SCARF1: variants seen among roughly 807,000 people sequenced by gnomAD.
The protein encoded by SCARF1 is acetyl LDL receptor.
SCARF1 carries 49 observed loss-of-function variants against 76.3 expected under a neutral mutation model. The ratio of observed to expected loss-of-function variants is 0.64; its 90% confidence interval spans 0.51 to 0.81. SCARF1 has a LOEUF of 0.81. Ranked by LOEUF, SCARF1 falls within the 40% of genes least tolerant of loss-of-function variation. The probability of loss-of-function intolerance (pLI) is 0.00; values close to 1 mark genes in which losing one functional copy is unlikely to be tolerated. For missense variants in SCARF1, 1,098 were observed against 1,143.9 expected, an observed-to-expected ratio of 0.96 and a Z score of 0.58; for synonymous variants, 495 against 474.6, an observed-to-expected ratio of 1.04 and a Z score of -0.56.
At position 1,635,214 on chromosome 17, in the gene SCARF1, G is replaced by A. The variant is rs1909435603; in HGVS notation, c.2037C>T (p.Gly679=). ...CAGGGCCCGAGCTCTCCTGGACGCT[G>A]CCCTCAATGGCTTCCACGTGCTCAG... is the stretch of plus-strand genomic sequence containing the variant. ...TVAEHVEAIE[G]SVQESSGPVT... is the part of the protein sequence containing the mutation. Residue 679 remains glycine, a synonymous_variant, in exon 11 of 11, where the codon GGC becomes GGT. Transcript: ENST00000263071. 3.7e-6 allele frequency: 6 copies of A among 1,613,014 alleles called. No individual in the cohort carries two copies. The Admixed American group carries it at 8.3e-5, about 22-fold the overall frequency.
In SCARF1 at chr17:1,645,183, G is replaced by C. The variant is rs1390279525; in HGVS notation, c.158C>G (p.Thr53Ser). The C allele has an allele frequency of 6.2e-7, 1 of 1,613,748 alleles. No homozygotes were observed. The highest frequency in any genetic ancestry group is 1.3e-5 in the African/African-American group (1 of 74,922). Reference sequence around the variant, plus strand: ...GGTCTGTCCTGGCTACTCACGGATGGTGCATTCTTGATCCTTCTGCCTCCA... The same window carrying C: ...GGTCTGTCCTGGCTACTCACGGATGCTGCATTCTTGATCCTTCTGCCTCCA... ...AGWRQKDQECTIPICEGPDAC... is the reference protein window; with the variant it reads ...AGWRQKDQECSIPICEGPDAC... The change falls in exon 2 of 11, where the codon ACC (threonine) becomes AGC (serine). Residue 53 changes from threonine to serine, a missense_variant. Coordinates refer to ENST00000263071, the MANE Select transcript of SCARF1 (RefSeq NM_003693.4). This position sits in a 1 kb window ranked among gnomAD's most constrained non-coding sequence, Gnocchi z 6.3.
Position 1,645,114 on chromosome 17 carries a change from G to A in SCARF1, c.163+64C>T. 1 of 1,604,294 alleles carries A rather than the reference G, an allele frequency of 6.2e-7. No homozygotes were observed. On this transcript the variant is annotated intron_variant, in intron 2 of 10. Coordinates refer to ENST00000263071, the MANE Select transcript of SCARF1 (RefSeq NM_003693.4). The surrounding 1 kb of genome is among the most constrained non-coding windows in gnomAD (Gnocchi z 6.3). ...GGGGCAGGCCCCATGGGGTAGGAAG[G>A]AAGGGTTGTCACTGGGCTACGGCCT...
intron 4 of SCARF1, among the ~76,000 whole-genome samples, chr17:1,641,944 ACT>A (rs1299031639): frequency 6.6e-6 from 1 of 151,346 alleles, no homozygotes; most frequent in Non-Finnish European, 1.5e-5. Context: ...CTGGTCTCGA[ACT>A]CCTGACCTCA....
At chr17:1,642,720 G>T (rs894842285) in intron 4 of SCARF1, among the ~76,000 whole-genome samples, 9 of 152,280 alleles carry the variant, frequency 5.9e-5, no homozygotes, top group African/African-American at 2.2e-4. Context: ...TTTTTGTTTT[G>T]TTTTGTTTGA....
chr17:1,634,366 G>A lies in SCARF1; in HGVS notation c.*392C>T, dbSNP rs958507240. On this transcript the variant is annotated 3_prime_UTR_variant, in exon 11 of 11. Coordinates refer to ENST00000263071, the MANE Select transcript of SCARF1 (RefSeq NM_003693.4). ...ATCGCACCACTGCACTCCAGCCTGG[G>A]GGACAGAGGGAGATTCTGTCTCAAA... 2.8e-5 allele frequency: 10 copies of A among 358,002 alleles called. No individual in the cohort carries two copies. The highest frequency in any genetic ancestry group is 1.9e-4 in the African/African-American group (9 of 47,100). The allele number at this position is 358,002 out of a possible 1,614,324, so 22.2% of individuals were successfully genotyped here.
In SCARF1 at chr17:1,635,154, G is replaced by C. The variant is rs779962244; in HGVS notation, c.2097C>G (p.Arg699=). ...TTIYMLAGKP[R]GSEGPVRSVF... is the part of the protein sequence containing the mutation. ...CAGAGCGGACAGGGCCTTCGGATCC[G>C]CGGGGCTTCCCTGCCAGCATGTAGA... The change falls in exon 11 of 11, where the codon CGC becomes CGG. Residue 699 remains arginine (R), a synonymous_variant. Transcript: ENST00000263071. 4 of 1,613,524 alleles carry C rather than the reference G, an allele frequency of 2.5e-6. No individual in the cohort carries two copies. In the South Asian group the frequency reaches 4.4e-5, roughly 18 times the overall value.
Position 1,640,017 on chromosome 17 carries a change from C to T in SCARF1, c.1034G>A (p.Gly345Asp). Reference sequence around the variant, plus strand: ...AGAGCCACAGTCTTCCCCAAAGGTACCAGTGGGGCAGGGGTCTTCACACCT... The same window carrying T: ...AGAGCCACAGTCTTCCCCAAAGGTATCAGTGGGGCAGGGGTCTTCACACCT... ...GPRCEDPCPT[G>D]TFGEDCGSTC... is the part of the protein sequence containing the mutation. Residue 345 changes from glycine to aspartate, a missense_variant, in exon 6 of 11, where the codon GGT becomes GAT. By Grantham distance (94) the Gly-to-Asp change is moderately conservative (BLOSUM62 -1). Coordinates refer to ENST00000263071, the MANE Select transcript of SCARF1 (RefSeq NM_003693.4). This position sits in a 1 kb window ranked among gnomAD's most constrained non-coding sequence, Gnocchi z 4.7. 6.2e-7 allele frequency: 1 copy of T among 1,613,864 alleles called. No individual in the cohort carries two copies. Among genetic ancestry groups the T allele is most frequent in the Non-Finnish European group, 8.5e-7 (1 of 1,179,990 alleles).
Position 1,643,778 on chromosome 17 carries a change from G to A in SCARF1, c.455C>T (p.Pro152Leu), listed in dbSNP as rs1213856296. 3 of 1,278,206 alleles carry A rather than the reference G, an allele frequency of 2.3e-6. No homozygotes were observed. The highest frequency in any genetic ancestry group is 3.1e-5 in the African/African-American group (2 of 64,296). The allele number at this position is 1,278,206 out of a possible 1,614,324, so 79.2% of individuals were successfully genotyped here. Residue 152 changes from proline (P) to leucine (L), a missense_variant, in exon 4 of 11, where the codon CCC becomes CTC. Pro to Leu is a moderately conservative substitution (Grantham distance 98). Coordinates refer to ENST00000263071, the MANE Select transcript of SCARF1 (RefSeq NM_003693.4). ...GCGGCACGTGGACGACCACCAGCCG[G>A]GTTCGCAGTGGCACACGCCGGTCGC... is the stretch of plus-strand genomic sequence containing the variant. ...DPATGVCHCE[P>L]GWWSSTCRRP... is the part of the protein sequence containing the mutation.
Position 1,644,978 on chromosome 17 carries a change from C to T in SCARF1, c.164-43G>A. The stretch of plus-strand genomic sequence containing the variant: ...CAGGTTGGAAAGACGGGAGCAGGAC[C>T]AGGGGACACCCCTGCCCTCTCACTG... On this transcript the variant is annotated intron_variant, in intron 2 of 10. Transcript: ENST00000263071. The surrounding 1 kb of genome is among the most constrained non-coding windows in gnomAD (Gnocchi z 4.8). 1 of 1,595,504 alleles carries T rather than the reference C, an allele frequency of 6.3e-7. No homozygotes were observed. Among genetic ancestry groups the T allele is most frequent in the Non-Finnish European group, 8.6e-7 (1 of 1,169,230 alleles).
rs570763092 is a variant in SCARF1 at position 1,636,976 on chromosome 17, C to G, written c.1451G>C (p.Arg484Pro). The G allele has an allele frequency of 6.2e-7, 1 of 1,613,822 alleles. No individual in the cohort carries two copies. The highest frequency in any genetic ancestry group is 1.7e-5 in the Admixed American group (1 of 59,990). The change falls in exon 9 of 11, where the codon CGT becomes CCT. Residue 484 changes from arginine to proline, a missense_variant. Transcript: ENST00000263071. ...GGGTAGCTTGTGGGAGCTGAGGGAACGGCAGGGCAGCGTGGAGCCCAAGCT... is the reference window on the plus strand; with the variant it reads ...GGGTAGCTTGTGGGAGCTGAGGGAAGGGCAGGGCAGCGTGGAGCCCAAGCT... ...LTSLGSTLPC[R>P]SLSSHKLPWV...
At position 1,645,221 on chromosome 17, in the gene SCARF1, C is replaced by T; in HGVS notation, c.120G>A (p.Gln40=). The change falls in exon 2 of 11, where the codon CAG becomes CAA. Residue 40 remains glutamine (Q), a synonymous_variant. Coordinates refer to ENST00000263071, the MANE Select transcript of SCARF1 (RefSeq NM_003693.4). The surrounding 1 kb of genome is among the most constrained non-coding windows in gnomAD (Gnocchi z 6.3). Reference sequence around the variant, plus strand: ...CCTTCTGCCTCCAGCCTGCGCAGCACTGCAGCTCAGCAGAGGGGCTGTGGG... The same window carrying T: ...CCTTCTGCCTCCAGCCTGCGCAGCATTGCAGCTCAGCAGAGGGGCTGTGGG... The part of the protein sequence containing the change: ...CVASSPSAEL[Q]CCAGWRQKDQ... The T allele has an allele frequency of 6.2e-7, 1 of 1,613,586 alleles. No individual in the cohort carries two copies. Among genetic ancestry groups the T allele is most frequent in the Non-Finnish European group, 8.5e-7 (1 of 1,179,976 alleles).
intron 8 of SCARF1, 38 bp from the exon 9 acceptor site, chr17:1,637,100 G>A (rs781525791): frequency 1.2e-6 from 2 of 1,600,202 alleles, no homozygotes; most frequent in Non-Finnish European, 1.7e-6. Context: ...CAGTACATGA[G>A]ACCCACGGTG....
chr17:1,643,553 C>T lies in SCARF1; in HGVS notation c.680G>A (p.Arg227Gln), dbSNP rs775062256. 2.8e-5 allele frequency: 41 copies of T among 1,454,618 alleles called. 1 individual carries two copies. In the South Asian group the frequency reaches 4.7e-4, roughly 17 times the overall value. The allele number at this position is 1,454,618 out of a possible 1,614,324, so 90.1% of individuals were successfully genotyped here. ...GCCGGAGGCGGCGCTGCAGCGGCCC[C>T]GCACACACTCGCACTGCTGCTGGCA... ...PECQQQCECV[R>Q]GRCSAASGEC... Residue 227 changes from arginine to glutamine, a missense_variant, in exon 4 of 11, where the codon CGG becomes CAG. By Grantham distance (43) the Arg-to-Gln change is conservative. Coordinates refer to ENST00000263071, the MANE Select transcript of SCARF1 (RefSeq NM_003693.4).
rs1287107566 is a variant in SCARF1, at chr17:1,643,370, GCCCCGCCCCGCCTGCTCACTTGTGTCCGC to G, written c.791+43_791+71del. ...GTCTCCGCCCCGCCCCCCTGTCTCC[GCCCCGCCCCGCCTGCTCACTTGTGTCCGC>G]CCCCGCCCCGCCAGCCCACCTGTCC... On this transcript the variant is annotated intron_variant, in intron 4 of 10. Coordinates refer to ENST00000263071, the MANE Select transcript of SCARF1 (RefSeq NM_003693.4). The G allele has an allele frequency of 2.6e-4, 21 of 80,268 alleles. No homozygotes were observed. The Admixed American group carries it at 3.2e-3, about 12-fold the overall frequency. The allele number at this position is 80,268 out of a possible 1,614,324, so 5.0% of individuals were successfully genotyped here. A position where few individuals can be genotyped will look rare whatever the true frequency, so the allele number is the denominator to read the frequency against.
At chr17:1,635,678 C>A in intron 10 of SCARF1, 61 bp from the exon 11 acceptor site, 1 of 1,526,430 alleles carries the variant, frequency 6.6e-7, no homozygotes, top group South Asian at 1.2e-5. Context: ...TGCATCCTAC[C>A]CACAGCTCAG....
At position 1,645,416 on chromosome 17, in the gene SCARF1, C is replaced by T. The variant is rs1163735098; in HGVS notation, c.102-177G>A. 6.9e-7 allele frequency: 1 copy of T among 1,449,348 alleles called. No individual in the cohort carries two copies. Among genetic ancestry groups the T allele is most frequent in the Non-Finnish European group, 9.3e-7 (1 of 1,077,226 alleles). The allele number at this position is 1,449,348 out of a possible 1,614,324, so 89.8% of individuals were successfully genotyped here. A position where few individuals can be genotyped will look rare whatever the true frequency, so the allele number is the denominator to read the frequency against. Reference sequence around the variant, plus strand: ...CCCCTCTCCTTCCCTGACCCTTCCACCATCTGCCCTGGCTGGCCACTACCT... The same window carrying T: ...CCCCTCTCCTTCCCTGACCCTTCCATCATCTGCCCTGGCTGGCCACTACCT... On this transcript the variant is annotated intron_variant, in intron 1 of 10. Transcript: ENST00000263071. The surrounding 1 kb of genome is among the most constrained non-coding windows in gnomAD (Gnocchi z 6.3).
chr17:1,638,670 GCCCTC>G, intron 8 of SCARF1, 131 bp downstream of exon 8: 21 of 1,201,246 alleles, frequency 1.7e-5, no homozygotes, highest in African/African-American at 3.1e-5. Context: ...GACAAGGCCA[GCCCTC>G]CCCACCCCCA....
At position 1,635,610 on chromosome 17, in the gene SCARF1, G is replaced by C. The variant is rs915763084; in HGVS notation, c.1641C>G (p.Val547=). The C allele has an allele frequency of 2.5e-6, 4 of 1,600,372 alleles. No homozygotes were observed. In the African/African-American group the frequency reaches 5.3e-5, roughly 21 times the overall value. The change falls in exon 11 of 11, where the codon GTC becomes GTG. Residue 547 remains valine (V), a synonymous_variant. Transcript: ENST00000263071. ...CTGACGACCCTGCCTGGGCCACAGG[G>C]ACCATCCCTGGCAGAGGAGACAGAA... ...AYCVPPQEGM[V]PVAQAGSSEA...
chr17:1,638,867 A>G lies in SCARF1; in HGVS notation c.1303T>C (p.Phe435Leu). The change falls in exon 8 of 11, where the codon TTC becomes CTC. Residue 435 changes from phenylalanine to leucine, a missense_variant. By Grantham distance (22) the Phe-to-Leu change is conservative. Coordinates refer to ENST00000263071, the MANE Select transcript of SCARF1 (RefSeq NM_003693.4). ...AGSLVPLLLLFLGLACCACCC... is the reference protein window; with the variant it reads ...AGSLVPLLLLLLGLACCACCC... ...CAGGCACAGCAGGCAAGGCCCAGGA[A>G]GAGCAGCAGCAGAGGCACAAGGCTG... is the stretch of plus-strand genomic sequence containing the variant. 1 of 1,610,844 alleles carries G rather than the reference A, an allele frequency of 6.2e-7. No homozygotes were observed. Among genetic ancestry groups the G allele is most frequent in the African/African-American group, 1.3e-5 (1 of 75,008 alleles).
Sources: gnomAD v4.1 joint callset for allele counts (sites outside exome capture counted in the v4.1 genomes callset) on GRCh38, gnomAD v4.1.1 for gene constraint, Gnocchi (gnomAD v3.1) non-coding constraint, MANE v1.5 for transcripts, NCBI Gene and HGNC (gene_info 2026-07-23, HGNC 2026-07-21) for gene names.